IGF1R: variants seen among roughly 807,000 people sequenced by gnomAD.
The protein encoded by IGF1R is insulin-like growth factor 1 receptor.
Under a neutral mutation model 144.6 loss-of-function variants are expected in IGF1R, and 44 were observed. The observed-to-expected ratio is 0.30, with a 90% CI of 0.24 to 0.39. The LOEUF (loss-of-function observed/expected upper bound fraction) is 0.39. Among genes scored for constraint, IGF1R ranks in the 10% least tolerant of loss-of-function variants. The probability of loss-of-function intolerance (pLI) is 1.00; values close to 1 mark genes in which losing one functional copy is unlikely to be tolerated. For missense variants in IGF1R, 1,355 were observed against 1,833.7 expected (o/e 0.74, Z 4.77); for synonymous variants, 795 against 722.8 (o/e 1.10, Z -1.60).
intron 2 of IGF1R, among the ~76,000 whole-genome samples, chr15:98,838,113 C>CT (rs2011118990): frequency 6.6e-6 from 1 of 152,098 alleles, no homozygotes; most frequent in Non-Finnish European, 1.5e-5. Flanking sequence ...TTGGGGTTCA[C>CT]CTTTATGAGA....
At position 98,962,773 on chromosome 15, in the gene IGF1R, G is replaced by C. The variant is rs2017275877; in HGVS notation, c.*5331G>C. ...TATCAGACCACATCGAGGCTCAGCA[G>C]TCATCCGTGGGCATTTGGTTTCAAC... On this transcript the variant is annotated 3_prime_UTR_variant, in exon 21 of 21. Coordinates refer to ENST00000650285, the MANE Select transcript of IGF1R (RefSeq NM_000875.5). 4.3e-6 allele frequency: 1 copy of C among 233,408 alleles called. No individual in the cohort carries two copies. Among genetic ancestry groups the C allele is most frequent in the South Asian group, 1.8e-4 (1 of 5,534 alleles). The allele number at this position is 233,408 out of a possible 1,614,324, so 14.5% of individuals were successfully genotyped here.
At chr15:98,848,411 C>CTAATACAGTCAGCCCAGCCAAGA (rs1368649578) in intron 2 of IGF1R, among the ~76,000 whole-genome samples, 1 of 152,210 alleles carries the variant, frequency 6.6e-6, no homozygotes, top group Admixed American at 6.5e-5. Context: ...ACATGCATTG[C>CTAATACAGTCAGCCCAGCCAAGA]TAATACAGTC....
rs755332308 is a variant in IGF1R, at chr15:98,649,077, G to T, written c.-505G>T. ...AGCCGCTCATTCATTTTGACTCCGC[G>T]TTTCTGCCCCTCGCCGGCCTCGCCT... is the stretch of plus-strand genomic sequence containing the variant. On this transcript the variant is annotated 5_prime_UTR_variant, in exon 1 of 21. Transcript: ENST00000650285. 5 of 219,554 alleles carry T rather than the reference G, an allele frequency of 2.3e-5. No homozygotes were observed. The highest frequency in any genetic ancestry group is 4.6e-5 in the Non-Finnish European group (5 of 109,630). The allele number at this position is 219,554 out of a possible 1,614,324, so 13.6% of individuals were successfully genotyped here.
intron 2 of IGF1R, among the ~76,000 whole-genome samples, chr15:98,807,454 G>A (rs1418004202): frequency 6.6e-6 from 1 of 152,174 alleles, no homozygotes; most frequent in Non-Finnish European, 1.5e-5. Flanking sequence ...TATCTGAGAC[G>A]TTTTGGTTTT....
intron 1 of IGF1R, among the ~76,000 whole-genome samples, chr15:98,705,798 C>A (rs943156134): frequency 6.6e-6 from 1 of 152,206 alleles, no homozygotes; most frequent in Admixed American, 6.5e-5. Flanking sequence ...GGGCTTCTCT[C>A]CCGCTCAGGA....
intron 2 of IGF1R, among the ~76,000 whole-genome samples, chr15:98,857,665 A>G (rs894998478): frequency 1.2e-4 from 18 of 152,224 alleles, no homozygotes; most frequent in South Asian, 8.3e-4. Flanking sequence ...ACATGTGGCT[A>G]TGGAGCACTT....
chr15:98,691,296 A>T (rs1485046366), intron 1 of IGF1R, among the ~76,000 whole-genome samples: 1 of 151,224 alleles, frequency 6.6e-6, no homozygotes, highest in Non-Finnish European at 1.5e-5. Context: ...TGACTTTGAC[A>T]GTTTCGAGGG....
intron 4 of IGF1R, among the ~76,000 whole-genome samples, chr15:98,898,351 C>G (rs1246556242): frequency 6.6e-6 from 1 of 152,194 alleles, no homozygotes; most frequent in African/African-American, 2.4e-5. Flanking sequence ...CATATTGATG[C>G]ATGATGATGA....
At chr15:98,893,582 C>T (rs1419031177) in intron 3 of IGF1R, 1 of 152,186 alleles carries the variant, frequency 6.6e-6, no homozygotes, top group Non-Finnish European at 1.5e-5. Flanking sequence ...CACCTTCCTC[C>T]TTGGGGTGGG....
At chr15:98,694,814 C>T (rs1401874587) in intron 1 of IGF1R, among the ~76,000 whole-genome samples, 3 of 152,132 alleles carry the variant, frequency 2.0e-5, no homozygotes, top group South Asian at 2.1e-4. Flanking sequence ...GCGCCGAAGT[C>T]GGGGAGGCCG....
In IGF1R at chr15:98,840,191, A is replaced by G. The variant is rs529680447; in HGVS notation, c.641-51134A>G. 3.3e-5 allele frequency among the ~76,000 whole-genome samples: 5 copies of G among 152,230 alleles called. No individual in the cohort carries two copies. In the South Asian group the frequency reaches 1.0e-3, roughly 32 times the overall value. On this transcript the variant is annotated intron_variant, in intron 2 of 20. Transcript: ENST00000650285. ...TGTCACGGACTCTCTCCCCTCTTGA[A>G]TGGGGGCATTCCAGCAGAGTGTGTT...
intron 2 of IGF1R, among the ~76,000 whole-genome samples, chr15:98,864,710 A>G (rs903872303): frequency 6.6e-6 from 1 of 152,254 alleles, no homozygotes; most frequent in Non-Finnish European, 1.5e-5. Context: ...TAGCCAAAAG[A>G]AAGTTTTAAA....
At chr15:98,713,309 C>T (rs1277684895) in intron 2 of IGF1R, among the ~76,000 whole-genome samples, 2 of 152,164 alleles carry the variant, frequency 1.3e-5, no homozygotes, top group African/African-American at 4.8e-5. Context: ...ATTTATTGTT[C>T]GGAAGATACA....
intron 1 of IGF1R, chr15:98,650,737 C>A: frequency 4.0e-6 from 1 of 247,264 alleles, no homozygotes; most frequent in Non-Finnish European, 6.5e-6. Flanking sequence ...GAGCGCGGAG[C>A]CCTGGCCTTG....
In IGF1R at chr15:98,957,988, C is replaced by T. The variant is rs377343628; in HGVS notation, c.*546C>T. The T allele has an allele frequency of 7.2e-5, 17 of 235,738 alleles. No individual in the cohort carries two copies. The highest frequency in any genetic ancestry group is 2.2e-4 in the African/African-American group (10 of 45,470). The allele number at this position is 235,738 out of a possible 1,614,324, so 14.6% of individuals were successfully genotyped here. On this transcript the variant is annotated 3_prime_UTR_variant, in exon 21 of 21. Transcript: ENST00000650285. ...GGACATGAAATTTACAAAGGGCCATCGTTCATCCAAGGCTGTTACCATTTT... is the reference window on the plus strand; with the variant it reads ...GGACATGAAATTTACAAAGGGCCATTGTTCATCCAAGGCTGTTACCATTTT...
chr15:98,762,455 T>C (rs772906091), intron 2 of IGF1R, among the ~76,000 whole-genome samples: 2 of 152,214 alleles, frequency 1.3e-5, no homozygotes, highest in Non-Finnish European at 2.9e-5. Flanking sequence ...CGGCCAGGCA[T>C]AGTAGCTCAT....
intron 2 of IGF1R, among the ~76,000 whole-genome samples, chr15:98,732,890 G>A (rs1358860574): frequency 1.3e-5 from 2 of 152,112 alleles, no homozygotes; most frequent in African/African-American, 4.8e-5. Flanking sequence ...TATCCCAGTG[G>A]GGAAGGATCA....
chr15:98,694,483 C>T (rs2053551913), intron 1 of IGF1R, among the ~76,000 whole-genome samples: 1 of 151,932 alleles, frequency 6.6e-6, no homozygotes, highest in Non-Finnish European at 1.5e-5. Context: ...ACCTGACTTT[C>T]CCCATTTTTT....
chr15:98,673,835 A>G (rs1326326509), intron 1 of IGF1R, among the ~76,000 whole-genome samples: 2 of 152,102 alleles, frequency 1.3e-5, no homozygotes, highest in Non-Finnish European at 2.9e-5. Flanking sequence ...CAGGCGCTGT[A>G]TTTTGTATTT....
Sources: allele counts gnomAD v4.1 joint callset (sites outside exome capture counted in the v4.1 genomes callset), GRCh38; gene constraint gnomAD v4.1.1; transcripts MANE v1.5; gene names NCBI Gene and HGNC (gene_info 2026-07-23, HGNC 2026-07-21).